Variants in VPS54 observed in about 807,000 individuals in gnomAD.
VPS54 encodes the protein VPS54 subunit of GARP complex.
Under a neutral mutation model 121.5 loss-of-function variants are expected in VPS54, and 45 were observed. The ratio of observed to expected loss-of-function variants is 0.37; its 90% CI spans 0.29 to 0.47. The LOEUF is 0.47. Ranked by LOEUF, VPS54 falls within the 20% of genes least tolerant of loss-of-function variation. VPS54 has a pLI of 0.99. For missense variants in VPS54, 1,090 were observed against 1,131.4 expected, an observed-to-expected ratio of 0.96 and a Z score of 0.52; for synonymous variants, 371 against 385.8, an observed-to-expected ratio of 0.96 and a Z score of 0.45.
chr2:63,980,876 G>A (rs1336563344), intron 3 of VPS54, among the ~76,000 whole-genome samples: 1 of 151,680 alleles, frequency 6.6e-6, no homozygotes, highest in African/African-American at 2.4e-5. Context: ...TGTTAATATG[G>A]CAATATATAC....
chr2:63,996,078 G>C (rs924250402), intron 1 of VPS54, among the ~76,000 whole-genome samples: 1 of 152,240 alleles, frequency 6.6e-6, no homozygotes, highest in South Asian at 2.1e-4. Flanking sequence ...CGTCAAAATC[G>C]AGAGAACAAG....
intron 1 of VPS54, among the ~76,000 whole-genome samples, chr2:64,013,264 T>C (rs1052487770): frequency 6.6e-6 from 1 of 152,204 alleles, no homozygotes; most frequent in Non-Finnish European, 1.5e-5. Context: ...ACCAGAAATG[T>C]CTGACTAGAA....
chr2:63,920,566 G>A lies in VPS54; in HGVS notation c.1931C>T (p.Thr644Ile). The change falls in exon 14 of 23, where the codon ACA (threonine) becomes ATA (isoleucine). Residue 644 changes from threonine (T) to isoleucine (I), a missense_variant. Thr to Ile is a moderately conservative substitution (Grantham distance 89). Coordinates refer to ENST00000272322, the MANE Select transcript of VPS54 (RefSeq NM_016516.3). ...EFITLSRLMETFILDTEQICG... is the reference protein window; with the variant it reads ...EFITLSRLMEIFILDTEQICG... ...GATCTGTTCGGTGTCTAAAATGAAT[G>A]TTTCCATTAATCTAGAAAGTGTTAT... 1 of 1,572,352 alleles carries A rather than the reference G, an allele frequency of 6.4e-7. No individual in the cohort carries two copies. Among genetic ancestry groups the A allele is most frequent in the Non-Finnish European group, 8.6e-7 (1 of 1,160,058 alleles).
chr2:63,921,492 A>G (rs1558992749), intron 12 of VPS54, among the ~76,000 whole-genome samples, 157 bp from the exon 13 acceptor site: 1 of 152,200 alleles, frequency 6.6e-6, no homozygotes, highest in Non-Finnish European at 1.5e-5. Flanking sequence ...ATAGTGAAAC[A>G]TTACTTAAAC....
At chr2:63,971,122 G>C (rs76267761) in intron 4 of VPS54, among the ~76,000 whole-genome samples, 1 of 152,066 alleles carries the variant, frequency 6.6e-6, no homozygotes, top group Non-Finnish European at 1.5e-5. Flanking sequence ...GAATCATTTT[G>C]CTCCATTACC....
At chr2:64,017,231 G>A (rs1678746305) in intron 1 of VPS54, among the ~76,000 whole-genome samples, 1 of 151,512 alleles carries the variant, frequency 6.6e-6, no homozygotes, top group Non-Finnish European at 1.5e-5. Context: ...CAGCTACTCA[G>A]GAGACTGAGG....
chr2:63,933,137 GTTCTA>G (rs1674291911), intron 12 of VPS54, among the ~76,000 whole-genome samples: 1 of 152,070 alleles, frequency 6.6e-6, no homozygotes, highest in African/African-American at 2.4e-5. Flanking sequence ...AGAGTTTTTT[GTTCTA>G]TTCTGGTAAC....
chr2:63,987,128 C>T (rs1476434706), intron 1 of VPS54, among the ~76,000 whole-genome samples: 1 of 152,136 alleles, frequency 6.6e-6, no homozygotes, highest in South Asian at 2.1e-4. Flanking sequence ...GGTATTTATT[C>T]AAGAAATCCT....
At chr2:63,968,108 G>C (rs1553479998) in intron 5 of VPS54, among the ~76,000 whole-genome samples, 1 of 143,320 alleles carries the variant, frequency 7.0e-6, no homozygotes, top group Non-Finnish European at 1.5e-5. Flanking sequence ...TACCTTTTTT[G>C]TGTCTTTCAT....
At chr2:63,932,630 A>G (rs1674264852) in intron 12 of VPS54, among the ~76,000 whole-genome samples, 2 of 151,930 alleles carry the variant, frequency 1.3e-5, no homozygotes, top group South Asian at 4.1e-4. Flanking sequence ...CTTTCTGCAC[A>G]TGTAACCCAG....
chr2:64,017,854 T>C (rs1678781816), intron 1 of VPS54, among the ~76,000 whole-genome samples: 1 of 152,184 alleles, frequency 6.6e-6, no homozygotes, highest in Admixed American at 6.5e-5. Flanking sequence ...TCATAAGCAA[T>C]GATGAGCACT....
At chr2:63,957,225 G>A (rs113514048) in intron 7 of VPS54, among the ~76,000 whole-genome samples, 1,884 of 152,012 alleles carry the variant, frequency 0.012, 39 homozygotes, top group African/African-American at 0.043. Context: ...GGCGGATCAC[G>A]AGGTCAGGAG....
chr2:63,944,980 G>T (rs147211317), intron 9 of VPS54, among the ~76,000 whole-genome samples: 2 of 152,142 alleles, frequency 1.3e-5, no homozygotes, highest in Non-Finnish European at 2.9e-5. Context: ...ACAGTGTAGC[G>T]ATTCCTCAAA....
In VPS54 at chr2:63,929,773, G is replaced by A. The variant is rs1456845635; in HGVS notation, c.1739+3900C>T. ...AAGATCAACAAAATTGATCTAGCAAGACTAATAAGAAGAGAAAGAAAAATC... is the reference window on the plus strand; with the variant it reads ...AAGATCAACAAAATTGATCTAGCAAAACTAATAAGAAGAGAAAGAAAAATC... On this transcript the variant is annotated intron_variant, in intron 12 of 22. Transcript: ENST00000272322. Among the ~76,000 whole-genome samples the A allele has an allele frequency of 2.7e-5, 4 of 145,694 alleles. No homozygotes were observed. In the Admixed American group the frequency reaches 2.8e-4, roughly 10 times the overall value.
At chr2:64,017,559 A>G (rs1045069068) in intron 1 of VPS54, among the ~76,000 whole-genome samples, 2 of 152,212 alleles carry the variant, frequency 1.3e-5, no homozygotes, top group African/African-American at 4.8e-5. Context: ...AAAACACTTC[A>G]GAAAGCCAAA....
intron 1 of VPS54, among the ~76,000 whole-genome samples, chr2:64,002,329 TC>T (rs1184070049): frequency 1.3e-5 from 2 of 152,218 alleles, no homozygotes; most frequent in Non-Finnish European, 2.9e-5. Flanking sequence ...GATTTTTGTT[TC>T]TTATGAAAGT....
chr2:64,009,321 TTTC>T (rs1177670643), intron 1 of VPS54, among the ~76,000 whole-genome samples: 2 of 152,208 alleles, frequency 1.3e-5, no homozygotes, highest in Non-Finnish European at 2.9e-5. Context: ...TACATTTTCT[TTTC>T]TTTTTTTTTG....
At chr2:63,944,757 AACAG>A (rs1674900109) in intron 9 of VPS54, 102 bp from the exon 10 acceptor site, 2 of 914,824 alleles carry the variant, frequency 2.2e-6, no homozygotes, top group African/African-American at 1.7e-5. Flanking sequence ...TTACTATATG[AACAG>A]ACACTTTTCA....
intron 22 of VPS54, 48 bp from the exon 23 acceptor site, chr2:63,893,583 C>A: frequency 6.5e-7 from 1 of 1,532,932 alleles, no homozygotes; most frequent in South Asian, 1.2e-5. Context: ...ACTTTCTATT[C>A]AGATAATTAA....
Sources: gnomAD v4.1 joint callset for allele counts (sites outside exome capture counted in the v4.1 genomes callset) on GRCh38, gnomAD v4.1.1 for gene constraint, MANE v1.5 for transcripts, NCBI Gene and HGNC (gene_info 2026-07-23, HGNC 2026-07-21) for gene names.